The following TRAP1 variants were observed in gnomAD, a reference collection of about 807,000 sequenced individuals.
TRAP1 encodes the protein TNF receptor associated protein 1, also known as heat shock protein 75 kDa, mitochondrial.
Under a neutral mutation model 89.1 loss-of-function variants are expected in TRAP1, and 102 were observed. The ratio of observed to expected loss-of-function variants is 1.15; its 90% CI spans 0.98 to 1.35. TRAP1 has a LOEUF of 1.35. Among genes scored for constraint, TRAP1 ranks in the 40% most tolerant of loss-of-function variants. The pLI is 0.00. For synonymous variants in TRAP1, 508 were observed against 388.0 expected, an observed-to-expected ratio of 1.31 and a Z score of -3.64; for missense variants, 1,256 against 945.3, an observed-to-expected ratio of 1.33 and a Z score of -4.31.
intron 5 of TRAP1, chr16:3,678,065 C>G (rs890435744): frequency 2.8e-5 from 5 of 175,842 alleles, no homozygotes; most frequent in African/African-American, 1.2e-4. Context: ...CTGGACTCTA[C>G]ACTTTGTGGG....
chr16:3,683,558 G>C (rs982669911), intron 4 of TRAP1, among the ~76,000 whole-genome samples: 2 of 151,600 alleles, frequency 1.3e-5, no homozygotes, highest in African/African-American at 4.8e-5. Flanking sequence ...GCTAATTTTT[G>C]TATTTTTATT....
chr16:3,663,396 C>G lies in TRAP1; in HGVS notation c.1708+28G>C, dbSNP rs375677847. ...GGCGTGCGGGGAGTGGAAACCAGCC[C>G]CACGCCTAGAGAGCAGGGGATGCCG... On this transcript the variant is annotated intron_variant, in intron 14 of 17. Coordinates refer to ENST00000246957, the MANE Select transcript of TRAP1 (RefSeq NM_016292.3). 9.9e-6 allele frequency: 16 copies of G among 1,613,352 alleles called. No individual in the cohort carries two copies. The African/African-American group carries it at 1.7e-4, about 17-fold the overall frequency.
At position 3,664,345 on chromosome 16, in the gene TRAP1, G is replaced by C. The variant is rs749020703; in HGVS notation, c.1498C>G (p.Leu500Val). The C allele has an allele frequency of 1.7e-5, 27 of 1,613,156 alleles. No individual in the cohort carries two copies. Among genetic ancestry groups the C allele is most frequent in the Non-Finnish European group, 2.2e-5 (26 of 1,179,684 alleles). Residue 500 changes from leucine to valine, a missense_variant, in exon 13 of 18, where the codon CTG becomes GTG. Transcript: ENST00000246957. Reference protein sequence around the residue: ...MRAGTRNIYYLCAPNRHLAEH... With the variant: ...MRAGTRNIYYVCAPNRHLAEH... ...GCCAGGTGACGGTTGGGGGCGCACA[G>C]GTAGTAGATGTTGCGGGTGCCGGCC...
At chr16:3,664,180 G>C in intron 13 of TRAP1, 94 bp downstream of exon 13, 3 of 1,338,860 alleles carry the variant, frequency 2.2e-6, no homozygotes, top group African/African-American at 3.0e-5. Context: ...CCTGCCCGGA[G>C]TCTTGGGCAG....
intron 16 of TRAP1, 170 bp downstream of exon 16, chr16:3,661,817 G>T (rs2043092230): frequency 2.4e-6 from 2 of 821,360 alleles, no homozygotes; most frequent in Non-Finnish European, 3.4e-6. Flanking sequence ...GGCTGGCCAG[G>T]TTCCATTTCA....
At chr16:3,665,819 G>A (rs1297645580) in intron 12 of TRAP1, 152 bp downstream of exon 12, 7 of 975,124 alleles carry the variant, frequency 7.2e-6, no homozygotes, top group Non-Finnish European at 8.9e-6. Flanking sequence ...CCAGAAGCCT[G>A]GCCTTCCATT....
At chr16:3,696,158 T>C (rs1596739439) in intron 1 of TRAP1, among the ~76,000 whole-genome samples, 1 of 152,130 alleles carries the variant, frequency 6.6e-6, no homozygotes, top group African/African-American at 2.4e-5. Context: ...CCTGGCAAAC[T>C]AGGACGGCTG....
chr16:3,658,317 G>A (rs1394303160), intron 17 of TRAP1, 87 bp from the exon 18 acceptor site: 15 of 1,093,350 alleles, frequency 1.4e-5, no homozygotes, highest in South Asian at 2.8e-5. Flanking sequence ...CACTGTTGCC[G>A]AGGCTGGAGT....
At chr16:3,670,633 G>A (rs1409381412) in intron 11 of TRAP1, among the ~76,000 whole-genome samples, 1 of 152,158 alleles carries the variant, frequency 6.6e-6, no homozygotes, top group Non-Finnish European at 1.5e-5. Context: ...GAGCCCAAGA[G>A]GTTGAGGCTG....
At chr16:3,711,048 G>A (rs930121507) in intron 1 of TRAP1, among the ~76,000 whole-genome samples, 6 of 150,034 alleles carry the variant, frequency 4.0e-5, no homozygotes, top group Non-Finnish European at 8.9e-5. Flanking sequence ...AAAAAAAAAG[G>A]GTTTTTTGGT....
In TRAP1 at chr16:3,708,879, G is replaced by A. The variant is rs1445239884; in HGVS notation, c.88+8542C>T. On this transcript the variant is annotated intron_variant, in intron 1 of 17. Transcript: ENST00000246957. ...TGCCGAGGCTGGAGTGCAGTGGTGC[G>A]ATCGCGGCTCACTGCAAGCTCCGCT... 4.0e-5 allele frequency among the ~76,000 whole-genome samples: 6 copies of A among 148,268 alleles called. No individual in the cohort carries two copies. The South Asian group carries it at 8.7e-4, about 21-fold the overall frequency.
At chr16:3,682,916 C>T (rs1036807547) in intron 4 of TRAP1, among the ~76,000 whole-genome samples, 3 of 152,084 alleles carry the variant, frequency 2.0e-5, no homozygotes, top group African/African-American at 7.2e-5. Context: ...TGCCTATAAT[C>T]CCAGCACTTT....
chr16:3,713,615 C>A (rs979171208), intron 1 of TRAP1, among the ~76,000 whole-genome samples: 1 of 152,256 alleles, frequency 6.6e-6, no homozygotes, highest in Non-Finnish European at 1.5e-5. Context: ...GAGCATCTGG[C>A]ATGACCAGGA....
chr16:3,706,623 C>T (rs143146069), intron 1 of TRAP1, among the ~76,000 whole-genome samples: 5 of 151,998 alleles, frequency 3.3e-5, no homozygotes, highest in African/African-American at 9.6e-5. Flanking sequence ...CCACACCCAG[C>T]AATTTTTAAA....
intron 16 of TRAP1, chr16:3,659,790 C>T (rs1045991227): frequency 6.6e-6 from 1 of 151,994 alleles, no homozygotes; most frequent in African/African-American, 2.4e-5. Context: ...GACTCTCACT[C>T]CTTCACCCAA....
rs1403479960 is a variant in TRAP1 at position 3,667,453 on chromosome 16, G to A, written c.1236-1335C>T. On this transcript the variant is annotated intron_variant, in intron 11 of 17. Coordinates refer to ENST00000246957, the MANE Select transcript of TRAP1 (RefSeq NM_016292.3). ...AGCCTGGTCAACATGGTAAGCCCCC[G>A]TCTCTACTAAAAATACAAAAAATTA... 4.6e-5 allele frequency among the ~76,000 whole-genome samples: 7 copies of A among 151,578 alleles called. No individual in the cohort carries two copies. In the East Asian group the frequency reaches 5.9e-4, roughly 13 times the overall value.
At chr16:3,676,482 G>A in intron 6 of TRAP1, 1 of 188,466 alleles carries the variant, frequency 5.3e-6, no homozygotes, top group Non-Finnish European at 1.1e-5. Flanking sequence ...TCCAAATCGG[G>A]TGCCAGATGC....
In TRAP1 at chr16:3,663,521, C is replaced by A. The variant is rs762969531; in HGVS notation, c.1611G>T (p.Leu537=). 2.8e-5 allele frequency: 45 copies of A among 1,613,994 alleles called. No homozygotes were observed. Among genetic ancestry groups the A allele is most frequent in the Non-Finnish European group, 3.8e-5 (45 of 1,180,018 alleles). ...CFEQFDELTL[L]HLREFDKKKL... ...TCTTCTTGTCAAACTCACGAAGGTG[C>A]AGCAGGGTGAGCTCATCAAACTGCT... Residue 537 remains leucine (L), a synonymous_variant, in exon 14 of 18, where the codon CTG becomes CTT. Transcript: ENST00000246957.
chr16:3,683,789 T>TAA (rs79175106), intron 4 of TRAP1, among the ~76,000 whole-genome samples: 26 of 130,770 alleles, frequency 2.0e-4, no homozygotes, highest in Admixed American at 3.9e-4. Flanking sequence ...AAATATTTAC[T>TAA]AAAAAAAAAA....
Sources: allele counts gnomAD v4.1 joint callset (sites outside exome capture counted in the v4.1 genomes callset), GRCh38; gene constraint gnomAD v4.1.1; transcripts MANE v1.5; gene names NCBI Gene and HGNC (gene_info 2026-07-23, HGNC 2026-07-21).